Variants in SUMF1 observed in about 807,000 individuals in gnomAD.
SUMF1 encodes the protein formylglycine-generating enzyme.
SUMF1 carries 48 observed loss-of-function variants against 47.6 expected under a neutral mutation model. The observed-to-expected ratio is 1.01, with a 90% CI of 0.80 to 1.28. The LOEUF (loss-of-function observed/expected upper bound fraction) is 1.28, where lower values mean the gene tolerates loss of function less well. SUMF1 is among the 50% of genes most tolerant of loss of function. SUMF1 has a pLI of 0.00. For synonymous variants in SUMF1, 230 were observed against 192.1 expected, an observed-to-expected ratio of 1.20 and a Z score of -1.63; for missense variants, 571 against 485.4, an observed-to-expected ratio of 1.18 and a Z score of -1.66.
chr3:4,043,613 A>T (rs1302172102), intron 9 of SUMF1, among the ~76,000 whole-genome samples: 1 of 152,038 alleles, frequency 6.6e-6, no homozygotes, highest in East Asian at 1.9e-4. Flanking sequence ...TTAAAAGCTG[A>T]TAAGTCCTCT....
At chr3:4,185,767 T>G (rs75206384) in intron 8 of SUMF1, among the ~76,000 whole-genome samples, 2,454 of 152,278 alleles carry the variant, frequency 0.016, 73 homozygotes, top group African/African-American at 0.057. Flanking sequence ...AGGAAAGTGT[T>G]TATACATACA....
Position 4,420,675 on chromosome 3 carries a change from A to C in SUMF1, c.520-529T>G, listed in dbSNP as rs530218208. The stretch of plus-strand genomic sequence containing the variant: ...CCTCCCAAAGTGCTGGGATTACAGG[A>C]GTGAGCCACCACACCCGGCCTCTGT... On this transcript the variant is annotated intron_variant, in intron 3 of 8. Coordinates refer to ENST00000272902, the MANE Select transcript of SUMF1 (RefSeq NM_182760.4). Among the ~76,000 whole-genome samples, 36 of 152,154 alleles carry C rather than the reference A, an allele frequency of 2.4e-4. No individual in the cohort carries two copies. In the South Asian group the frequency reaches 3.3e-3, roughly 14 times the overall value.
At chr3:4,248,583 C>G (rs1309785798) in intron 8 of SUMF1, among the ~76,000 whole-genome samples, 1 of 152,144 alleles carries the variant, frequency 6.6e-6, no homozygotes, top group Non-Finnish European at 1.5e-5. Flanking sequence ...CCTTGCATCA[C>G]CACATACCTG....
At position 4,143,984 on chromosome 3, in the gene SUMF1, CTCTCTT is replaced by C. The variant is rs1161342633; in HGVS notation, c.1015-75245_1015-75240del. Among the ~76,000 whole-genome samples, 11 of 81,848 alleles carry C rather than the reference CTCTCTT, an allele frequency of 1.3e-4. 1 individual carries two copies. Among genetic ancestry groups the C allele is most frequent in the Admixed American group, 1.3e-4 (1 of 7,682 alleles). 53.7% of individuals were successfully genotyped at this position (81,848 alleles called of 152,430 possible). A position where few individuals can be genotyped will look rare whatever the true frequency, so the allele number is the denominator to read the frequency against. On this transcript the variant is annotated intron_variant and NMD_transcript_variant, in intron 8 of 12. Coordinates refer to the SUMF1 transcript ENST00000448413. ...CTCCTTAAAGTGACCACTGTCTTCT[CTCTCTT>C]TTTTTTTTTTTTTTTTTTTAGACAG...
chr3:4,335,579 C>A (rs1005748925), intron 8 of SUMF1, among the ~76,000 whole-genome samples: 1 of 152,120 alleles, frequency 6.6e-6, no homozygotes. Context: ...AAAATTTGGG[C>A]GAGGTCAGGG....
intron 8 of SUMF1, among the ~76,000 whole-genome samples, chr3:4,266,159 A>G (rs1490734469): frequency 6.6e-6 from 1 of 152,200 alleles, no homozygotes; most frequent in Non-Finnish European, 1.5e-5. Flanking sequence ...GAAGTCAGGT[A>G]GCGTGATGCC....
chr3:4,204,217 T>C (rs998297461), intron 8 of SUMF1, among the ~76,000 whole-genome samples: 4 of 152,128 alleles, frequency 2.6e-5, no homozygotes, highest in African/African-American at 4.8e-5. Flanking sequence ...GGAAAGTATC[T>C]ATTTCTCCTT....
At chr3:4,234,314 T>C (rs1696363543) in intron 8 of SUMF1, among the ~76,000 whole-genome samples, 1 of 152,032 alleles carries the variant, frequency 6.6e-6, no homozygotes, top group Non-Finnish European at 1.5e-5. Context: ...TTATCAAAAG[T>C]CAAAGGGAAT....
intron 8 of SUMF1, among the ~76,000 whole-genome samples, chr3:4,324,389 G>A (rs1024580687): frequency 6.6e-6 from 1 of 152,140 alleles, no homozygotes; most frequent in Non-Finnish European, 1.5e-5. Context: ...TTGAGGATGT[G>A]CCAAGGAAAA....
chr3:4,363,060 C>T (rs1041625892), intron 8 of SUMF1, among the ~76,000 whole-genome samples: 1 of 152,108 alleles, frequency 6.6e-6, no homozygotes, highest in Admixed American at 6.5e-5. Context: ...GTAGTTATCC[C>T]TCAAGCAATC....
rs139737092 is a variant in SUMF1 at position 4,150,388 on chromosome 3, C to A, written c.1015-81643G>T. On this transcript the variant is annotated intron_variant and NMD_transcript_variant, in intron 8 of 12. Transcript: ENST00000448413. The stretch of plus-strand genomic sequence containing the variant: ...ACCAGCCTGGGCAACACGGTGAAAT[C>A]CCGTCTCTACTAAAACACAAAAAAT... 1.4e-3 allele frequency among the ~76,000 whole-genome samples: 213 copies of A among 151,568 alleles called. 1 individual carries two copies. Among genetic ancestry groups the A allele is most frequent in the Non-Finnish European group, 2.5e-3 (172 of 67,996 alleles).
chr3:4,410,885 C>T lies in SUMF1; in HGVS notation c.934G>A (p.Val312Ile). The T allele has an allele frequency of 6.2e-7, 1 of 1,614,032 alleles. No individual in the cohort carries two copies. Among genetic ancestry groups the T allele is most frequent in the Non-Finnish European group, 8.5e-7 (1 of 1,179,912 alleles). The change falls in exon 7 of 9, where the codon GTT becomes ATT. Residue 312 changes from valine (V) to isoleucine (I), a missense_variant. Physicochemically the swap from Val to Ile is conservative, Grantham distance 29. Coordinates refer to ENST00000272902, the MANE Select transcript of SUMF1 (RefSeq NM_182760.4). ...TSDWWTVHHSVEETLNPKGPP... is the reference protein window; with the variant it reads ...TSDWWTVHHSIEETLNPKGPP... Reference sequence around the variant, plus strand: ...CTCACTGGGTTAAGCGTTTCTTCAACAGAATGATGAACAGTCCACCAGTCT... The same window carrying T: ...CTCACTGGGTTAAGCGTTTCTTCAATAGAATGATGAACAGTCCACCAGTCT...
chr3:4,312,969 T>A lies in SUMF1; in HGVS notation c.1014+63361A>T, dbSNP rs1397232634. ...CTCAAATAACCTTTCCCGGATGCAT[T>A]TGTGTCAAAACTCCCTGCCTCCCTG... On this transcript the variant is annotated intron_variant and NMD_transcript_variant, in intron 8 of 12. Transcript: ENST00000448413. 3 of 1,613,788 alleles carry A rather than the reference T, an allele frequency of 1.9e-6. No individual in the cohort carries two copies. The African/African-American group carries it at 4.0e-5, about 22-fold the overall frequency.
intron 8 of SUMF1, among the ~76,000 whole-genome samples, chr3:4,268,952 G>C (rs2243966): frequency 1.3e-5 from 2 of 151,944 alleles, no homozygotes; most frequent in African/African-American, 4.8e-5. Flanking sequence ...AGCATGCTCC[G>C]GTAGTATAAG....
chr3:4,154,729 G>A (rs546315066), intron 8 of SUMF1, among the ~76,000 whole-genome samples: 1 of 151,544 alleles, frequency 6.6e-6, no homozygotes, highest in South Asian at 2.1e-4. Flanking sequence ...GAAGAAAACA[G>A]GTCCATAGAC....
At chr3:4,132,525 CA>C (rs1421432204) in intron 8 of SUMF1, among the ~76,000 whole-genome samples, 4 of 152,092 alleles carry the variant, frequency 2.6e-5, no homozygotes, top group Non-Finnish European at 5.9e-5. Context: ...GTCCAGGTAT[CA>C]AGGGGTGAAA....
chr3:4,389,790 T>C (rs1700796073), intron 7 of SUMF1, among the ~76,000 whole-genome samples: 1 of 152,220 alleles, frequency 6.6e-6, no homozygotes, highest in Non-Finnish European at 1.5e-5. Flanking sequence ...TTTTCAATTT[T>C]CAGTTCTAAA....
At chr3:4,319,257 C>G (rs1698767750) in intron 8 of SUMF1, among the ~76,000 whole-genome samples, 1 of 152,142 alleles carries the variant, frequency 6.6e-6, no homozygotes, top group Non-Finnish European at 1.5e-5. Context: ...GCTCCTGTTA[C>G]CAAAATGACA....
chr3:4,393,878 G>C (rs1700957125), intron 7 of SUMF1, among the ~76,000 whole-genome samples: 1 of 151,794 alleles, frequency 6.6e-6, no homozygotes, highest in South Asian at 2.1e-4. Context: ...CTTGTTTTCT[G>C]TATTAGTGAA....
Sources: gnomAD v4.1 joint callset for allele counts (sites outside exome capture counted in the v4.1 genomes callset) on GRCh38, gnomAD v4.1.1 for gene constraint, MANE v1.5 for transcripts, NCBI Gene and HGNC (gene_info 2026-07-23, HGNC 2026-07-21) for gene names.